Variants in CDK15 observed in about 807,000 individuals in gnomAD.
CDK15 encodes cyclin dependent kinase 15.
CDK15 carries 62 observed loss-of-function variants against 60.3 expected under a neutral mutation model. The observed-to-expected ratio is 1.03, with a 90% confidence interval of 0.84 to 1.27. The LOEUF (loss-of-function observed/expected upper bound fraction) is 1.27. CDK15 is among the 50% of genes most tolerant of loss of function. The pLI is 0.00. For missense variants in CDK15, 541 were observed against 527.8 expected (o/e 1.03, Z -0.25); for synonymous variants, 194 against 195.7 (o/e 0.99, Z 0.07).
intron 4 of CDK15, among the ~76,000 whole-genome samples, chr2:201,822,184 C>G (rs547594605): frequency 6.6e-6 from 1 of 152,206 alleles, no homozygotes; most frequent in East Asian, 1.9e-4. Context: ...ACTTTCACCT[C>G]CCTGGGCTCC....
At position 201,880,131 on chromosome 2, in the gene CDK15, A is replaced by C. The variant is rs767293718; in HGVS notation, c.1162A>C (p.Ser388Arg). ...AQEALVHDYF[S>R]ALPSQLYQLP... ...GGAAGCACTTGTTCATGATTATTTC[A>C]GCGCCCTGCCATCTCAGCTGTACCA... is the stretch of plus-strand genomic sequence containing the variant. Residue 388 changes from serine to arginine, a missense_variant, in exon 12 of 14, where the codon AGC becomes CGC. Physicochemically the swap from Ser to Arg is moderately radical, Grantham distance 110. Transcript: ENST00000652192. The C allele has an allele frequency of 1.2e-6, 2 of 1,613,842 alleles. No homozygotes were observed. Among genetic ancestry groups the C allele is most frequent in the Non-Finnish European group, 1.7e-6 (2 of 1,179,998 alleles).
In CDK15 at chr2:201,807,595, T is replaced by G. The variant is rs1695570493; in HGVS notation, c.225T>G (p.Ser75Arg). 2 of 1,613,938 alleles carry G rather than the reference T, an allele frequency of 1.2e-6. No individual in the cohort carries two copies. Among genetic ancestry groups the G allele is most frequent in the East Asian group, 4.5e-5 (2 of 44,872 alleles). The change falls in exon 2 of 14, where the codon AGT becomes AGG. Residue 75 changes from serine to arginine, a missense_variant. Physicochemically the swap from Ser to Arg is moderately radical, Grantham distance 110 (BLOSUM62 -1). Coordinates refer to ENST00000652192, the MANE Select transcript of CDK15 (RefSeq NM_001366386.2). Reference protein sequence around the residue: ...AQKFKSKRPRSNSDCFQEEDL... With the variant: ...AQKFKSKRPRRNSDCFQEEDL... ...AGTTCAAGAGTAAAAGGCCACGGAG[T>G]AACAGTGATTGTTTTCAGGAAGAGG...
intron 12 of CDK15, chr2:201,888,321 A>G (rs1699532858): frequency 2.3e-5 from 31 of 1,328,946 alleles, no homozygotes; most frequent in Non-Finnish European, 3.0e-5. Flanking sequence ...CAACTATCTC[A>G]TTATCTCGTT....
rs548782672 is a variant in CDK15, at chr2:201,808,181, C to T, written c.368+229C>T. Among the ~76,000 whole-genome samples, 3 of 152,340 alleles carry T rather than the reference C, an allele frequency of 2.0e-5. No individual in the cohort carries two copies. In the East Asian group the frequency reaches 5.8e-4, roughly 29 times the overall value. ...CACTTAAATGTTTATCAGCCTTTCC[C>T]TTCTTGCATTCAATTCAGAGAATTC... On this transcript the variant is annotated intron_variant, in intron 3 of 13. Coordinates refer to ENST00000652192, the MANE Select transcript of CDK15 (RefSeq NM_001366386.2).
rs142158609 is a variant in CDK15 at position 201,838,759 on chromosome 2, C to T, written c.851+2996C>T. On this transcript the variant is annotated intron_variant, in intron 8 of 13. Transcript: ENST00000652192. The stretch of plus-strand genomic sequence containing the variant: ...CATAACCTGCTACCCAGTGTAACAA[C>T]TAGAACATAATCCGTACTGTCCTAT... Among the ~76,000 whole-genome samples, 362 of 152,298 alleles carry T rather than the reference C, an allele frequency of 2.4e-3. 1 individual carries two copies. Among genetic ancestry groups the T allele is most frequent in the African/African-American group, 8.2e-3 (341 of 41,564 alleles).
chr2:201,811,851 C>A (rs1695782059), intron 3 of CDK15, among the ~76,000 whole-genome samples: 1 of 152,098 alleles, frequency 6.6e-6, no homozygotes, highest in Non-Finnish European at 1.5e-5. Context: ...AGTAGGAGTG[C>A]AAGTGTCTCA....
intron 8 of CDK15, among the ~76,000 whole-genome samples, chr2:201,837,470 G>T (rs111301423): frequency 5.4e-5 from 7 of 128,788 alleles, no homozygotes; most frequent in African/African-American, 2.2e-4. Context: ...AAGGAAGGAA[G>T]GAAGGAAGGA....
chr2:201,842,735 G>C (rs1697453231), intron 8 of CDK15, among the ~76,000 whole-genome samples: 1 of 152,176 alleles, frequency 6.6e-6, no homozygotes, highest in Non-Finnish European at 1.5e-5. Flanking sequence ...GAACCAGAAA[G>C]AGGAGAAAAC....
intron 12 of CDK15, among the ~76,000 whole-genome samples, chr2:201,890,095 A>T (rs1261032923): frequency 2.0e-5 from 3 of 152,032 alleles, no homozygotes; most frequent in Non-Finnish European, 4.4e-5. Context: ...TGTATCTAAC[A>T]AAATTGGAAA....
intron 8 of CDK15, among the ~76,000 whole-genome samples, chr2:201,836,844 T>C (rs1697116770): frequency 3.3e-5 from 5 of 151,590 alleles, no homozygotes; most frequent in Admixed American, 2.6e-4. Flanking sequence ...AGACACCTGA[T>C]TTTCATGCCA....
intron 11 of CDK15, among the ~76,000 whole-genome samples, chr2:201,878,844 T>G (rs1021952255): frequency 6.6e-6 from 1 of 152,254 alleles, no homozygotes; most frequent in Non-Finnish European, 1.5e-5. Context: ...TCAAGCCTCC[T>G]TTATAACCTA....
chr2:201,877,976 A>G (rs1225933273), intron 11 of CDK15, among the ~76,000 whole-genome samples: 2 of 152,216 alleles, frequency 1.3e-5, no homozygotes, highest in Non-Finnish European at 2.9e-5. Flanking sequence ...GGCACCTGGA[A>G]GGGAAATAAT....
chr2:201,843,985 C>T (rs1417826400), intron 8 of CDK15, among the ~76,000 whole-genome samples: 1 of 152,116 alleles, frequency 6.6e-6, no homozygotes, highest in Non-Finnish European at 1.5e-5. Context: ...CAACAAGCTT[C>T]TTCCAGGCAA....
At chr2:201,850,010 A>T (rs980275504) in intron 9 of CDK15, among the ~76,000 whole-genome samples, 3 of 152,146 alleles carry the variant, frequency 2.0e-5, no homozygotes, top group Non-Finnish European at 4.4e-5. Flanking sequence ...TTTTTAGTAG[A>T]GACGGGGTTT....
At chr2:201,885,600 T>A (rs1699426447) in intron 12 of CDK15, among the ~76,000 whole-genome samples, 1 of 152,200 alleles carries the variant, frequency 6.6e-6, no homozygotes, top group Non-Finnish European at 1.5e-5. Context: ...TGGGGTTGCA[T>A]AGCATTGTGT....
chr2:201,832,892 T>C (rs1466092453), intron 6 of CDK15, among the ~76,000 whole-genome samples: 6 of 152,264 alleles, frequency 3.9e-5, no homozygotes, highest in Admixed American at 3.9e-4. Context: ...GCCCTTCCTT[T>C]CTGAACTGCC....
intron 12 of CDK15, among the ~76,000 whole-genome samples, chr2:201,886,912 C>T (rs954739745): frequency 3.9e-5 from 6 of 152,092 alleles, no homozygotes; most frequent in Admixed American, 2.6e-4. Context: ...GGTATTGAAA[C>T]TTTTGCAAAG....
At position 201,812,554 on chromosome 2, in the gene CDK15, T is replaced by C. The variant is rs368163684; in HGVS notation, c.440T>C (p.Ile147Thr). The change falls in exon 4 of 14, where the codon ATC becomes ACC. Residue 147 changes from isoleucine to threonine, a missense_variant. Transcript: ENST00000652192. ...NAEEGVPFTA[I>T]REASLLKGLK... is the part of the protein sequence containing the mutation. ...GAGGAAGGAGTCCCATTTACAGCTATCCGAGAAGGTAAGAACAGCAGAAAT... is the reference window on the plus strand; with the variant it reads ...GAGGAAGGAGTCCCATTTACAGCTACCCGAGAAGGTAAGAACAGCAGAAAT... The C allele has an allele frequency of 6.2e-7, 1 of 1,612,042 alleles. No individual in the cohort carries two copies. Among genetic ancestry groups the C allele is most frequent in the Non-Finnish European group, 8.5e-7 (1 of 1,178,508 alleles).
intron 8 of CDK15, among the ~76,000 whole-genome samples, chr2:201,836,049 A>T (rs1697025031): frequency 5.8e-5 from 4 of 69,542 alleles, no homozygotes; most frequent in South Asian, 7.0e-4. Context: ...ATATATATTT[A>T]TATATATATT....
Sources: allele counts gnomAD v4.1 joint callset (sites outside exome capture counted in the v4.1 genomes callset), GRCh38; gene constraint gnomAD v4.1.1; transcripts MANE v1.5; gene names NCBI Gene and HGNC (gene_info 2026-07-23, HGNC 2026-07-21).